The following WDCP variants were observed in gnomAD, a reference collection of about 807,000 sequenced individuals.
WDCP encodes WD repeat and coiled-coil-containing protein.
A neutral mutation model predicts 41.6 loss-of-function variants in WDCP; 19 were observed. The observed-to-expected ratio is 0.46, with a 90% CI of 0.32 to 0.67. WDCP has a LOEUF of 0.67. Ranked by LOEUF, WDCP falls within the 30% of genes least tolerant of loss-of-function variation. The pLI, the probability that WDCP is intolerant of heterozygous loss-of-function variation, is 0.04. For synonymous variants in WDCP, 302 were observed against 320.8 expected (o/e 0.94, Z 0.63); for missense variants, 802 against 850.7 (o/e 0.94, Z 0.71).
Position 24,030,644 on chromosome 2 carries a change from T to C in WDCP, c.*289A>G, listed in dbSNP as rs1018218154. 5 of 314,404 alleles carry C rather than the reference T, an allele frequency of 1.6e-5. No homozygotes were observed. The highest frequency in any genetic ancestry group is 2.3e-5 in the Non-Finnish European group (4 of 170,396). The allele number at this position is 314,404 out of a possible 1,614,324, so 19.5% of individuals were successfully genotyped here. A position where few individuals can be genotyped will look rare whatever the true frequency, so the allele number is the denominator to read the frequency against. Reference sequence around the variant, plus strand: ...GCCTCAGAGAAACCATAAAACACCATCCATATGGCACCATAATATTGTTTT... The same window carrying C: ...GCCTCAGAGAAACCATAAAACACCACCCATATGGCACCATAATATTGTTTT... On this transcript the variant is annotated 3_prime_UTR_variant, in exon 4 of 4. Coordinates refer to ENST00000295148, the MANE Select transcript of WDCP (RefSeq NM_025203.3).
intron 3 of WDCP, among the ~76,000 whole-genome samples, chr2:24,032,580 C>G (rs1179876812): frequency 1.3e-5 from 2 of 152,042 alleles, no homozygotes; most frequent in African/African-American, 4.8e-5. Flanking sequence ...AGTTGGGAGT[C>G]TGAGATGGGA....
intron 2 of WDCP, among the ~76,000 whole-genome samples, chr2:24,033,740 CTAAATAAA>C (rs1027303122): frequency 9.9e-5 from 15 of 151,906 alleles, no homozygotes; most frequent in African/African-American, 3.4e-4. Context: ...GACTCCATCT[CTAAATAAA>C]TAAATAAATG....
chr2:24,033,162 C>T (rs999200420), intron 2 of WDCP: 3 of 632,180 alleles, frequency 4.7e-6, no homozygotes, highest in Non-Finnish European at 6.0e-6. Flanking sequence ...CTACTCTTTC[C>T]TCAGGGTTCT....
At chr2:24,036,622 T>C (rs2150949658) in intron 2 of WDCP, among the ~76,000 whole-genome samples, 1 of 152,372 alleles carries the variant, frequency 6.6e-6, no homozygotes, top group East Asian at 1.9e-4. Context: ...TATGAATGGA[T>C]ACATATAAGA....
At position 24,038,295 on chromosome 2, in the gene WDCP, T is replaced by G; in HGVS notation, c.1200A>C (p.Leu400=). Residue 400 remains leucine, a synonymous_variant, in exon 2 of 4, where the codon CTA becomes CTC. Transcript: ENST00000295148. ...TGAGTTTTTGTTTTCCTACCAAAAT[T>G]AGTAATAGTTGGTCTGTCAAGAAAC... ...GICFLTDQLL[L]ILVGKQKLTD... is the part of the protein sequence containing the mutation. 1 of 1,614,200 alleles carries G rather than the reference T, an allele frequency of 6.2e-7. No homozygotes were observed. The highest frequency in any genetic ancestry group is 8.5e-7 in the Non-Finnish European group (1 of 1,180,034).
intron 2 of WDCP, among the ~76,000 whole-genome samples, chr2:24,036,797 T>C (rs1663270030): frequency 6.6e-6 from 1 of 152,190 alleles, no homozygotes; most frequent in Admixed American, 6.5e-5. Context: ...CACATACCTA[T>C]ATATCTATGT....
At chr2:24,043,638 A>C (rs992715789) in intron 1 of WDCP, among the ~76,000 whole-genome samples, 3 of 152,226 alleles carry the variant, frequency 2.0e-5, no homozygotes, top group African/African-American at 7.2e-5. Context: ...TATACTTAAA[A>C]TGAATTCCAT....
chr2:24,039,370 T>C lies in WDCP; in HGVS notation c.125A>G (p.His42Arg). Reference sequence around the variant, plus strand: ...GTCCCCAAACTTGACCTCTCCACTGTGAAGCCGCAAATCAGTTAGGACAAC... The same window carrying C: ...GTCCCCAAACTTGACCTCTCCACTGCGAAGCCGCAAATCAGTTAGGACAAC... ...NQVVLTDLRL[H>R]SGEVKFGDSK... The change falls in exon 2 of 4, where the codon CAC becomes CGC. Residue 42 changes from histidine (H) to arginine (R), a missense_variant. By Grantham distance (29) the His-to-Arg change is conservative. Around this residue, in one of 5 missense-constraint regions of WDCP, gnomAD observed 214 missense variants for 252.9 expected, o/e 0.85. Transcript: ENST00000295148. 3 of 1,614,264 alleles carry C rather than the reference T, an allele frequency of 1.9e-6. No individual in the cohort carries two copies. The highest frequency in any genetic ancestry group is 2.2e-5 in the South Asian group (2 of 91,092).
Position 24,037,927 on chromosome 2 carries a change from G to C in WDCP, c.1568C>G (p.Ser523Trp), listed in dbSNP as rs1265903778. ...LDAEPVTQPA[S>W]LPRHSSTPDH... ...TGGTGTGCTGCTGTGTCTGGGCAGCGATGCTGGCTGGGTAACAGGCTCAGC... is the reference window on the plus strand; with the variant it reads ...TGGTGTGCTGCTGTGTCTGGGCAGCCATGCTGGCTGGGTAACAGGCTCAGC... The change falls in exon 2 of 4, where the codon TCG (serine) becomes TGG (tryptophan). Residue 523 changes from serine (S) to tryptophan (W), a missense_variant. This residue lies in a region of WDCP where 321 missense variants were observed against 305.1 expected (regional missense o/e 1.05). Coordinates refer to ENST00000295148, the MANE Select transcript of WDCP (RefSeq NM_025203.3). The C allele has an allele frequency of 6.2e-7, 1 of 1,614,020 alleles. No individual in the cohort carries two copies. The highest frequency in any genetic ancestry group is 1.3e-5 in the African/African-American group (1 of 74,926).
chr2:24,046,449 G>A (rs1315362305), intron 1 of WDCP, among the ~76,000 whole-genome samples: 2 of 152,186 alleles, frequency 1.3e-5, no homozygotes, highest in Non-Finnish European at 2.9e-5. Context: ...AACCCTGGGT[G>A]TTTTAGGAGG....
At chr2:24,032,029 A>G (rs1368694818) in intron 3 of WDCP, among the ~76,000 whole-genome samples, 3 of 152,084 alleles carry the variant, frequency 2.0e-5, no homozygotes, top group East Asian at 1.9e-4. Flanking sequence ...CATATTTTCC[A>G]TATGTTTTGG....
chr2:24,040,011 G>C (rs1035681651), intron 1 of WDCP, among the ~76,000 whole-genome samples: 47 of 151,940 alleles, frequency 3.1e-4, no homozygotes, highest in Non-Finnish European at 6.5e-4. Context: ...ATGTTGGCCA[G>C]GCTGGTCTCA....
chr2:24,039,447 C>A lies in WDCP; in HGVS notation c.48G>T (p.Leu16Phe). The A allele has an allele frequency of 6.2e-7, 1 of 1,614,244 alleles. No individual in the cohort carries two copies. The highest frequency in any genetic ancestry group is 8.5e-7 in the Non-Finnish European group (1 of 1,180,036). Residue 16 changes from leucine (L) to phenylalanine (F), a missense_variant, in exon 2 of 4, where the codon TTG becomes TTT. Coordinates refer to ENST00000295148, the MANE Select transcript of WDCP (RefSeq NM_025203.3). ...GKLLRTGLNA[L>F]HQAVHPIHGL... ...CATGGATCGGATGCACTGCTTGATG[C>A]AACGCATTCAGTCCAGTCCTGAGTA...
rs369905331 is a variant in WDCP, at chr2:24,039,296, G to A, written c.199C>T (p.Pro67Ser). Reference protein sequence around the residue: ...FECVCGLSWAPPVADDTPVLL... With the variant: ...FECVCGLSWASPVADDTPVLL... ...ACAGGTGTATCATCTGCAACAGGTG[G>A]GGCCCAGGACAACCCACAGACACAT... The change falls in exon 2 of 4, where the codon CCA becomes TCA. Residue 67 changes from proline (P) to serine (S), a missense_variant. Physicochemically the swap from Pro to Ser is moderately conservative, Grantham distance 74 (BLOSUM62 -1). Transcript: ENST00000295148. 4.3e-6 allele frequency: 7 copies of A among 1,614,092 alleles called. No homozygotes were observed. The highest frequency in any genetic ancestry group is 1.3e-5 in the African/African-American group (1 of 74,924).
Position 24,038,502 on chromosome 2 carries a change from C to T in WDCP, c.993G>A (p.Thr331=), listed in dbSNP as rs776875471. ...GAATGCCTGGAATAGTGACTTTTCT[C>T]GTCATGGTAACTGCCTTCTTAAAGG... ...LVTFKKAVTM[T]RKVTIPGILV... Residue 331 remains threonine (T), a synonymous_variant, in exon 2 of 4, where the codon ACG becomes ACA. Transcript: ENST00000295148. 18 of 1,614,078 alleles carry T rather than the reference C, an allele frequency of 1.1e-5. No homozygotes were observed. The highest frequency in any genetic ancestry group is 2.7e-5 in the African/African-American group (2 of 74,930).
At chr2:24,037,608 G>T (rs749964768) in intron 2 of WDCP, 69 bp downstream of exon 2, 1 of 1,442,854 alleles carries the variant, frequency 6.9e-7, no homozygotes, top group South Asian at 1.4e-5. Context: ...TCATCAATAC[G>T]TTTCTTGCAG....
intron 1 of WDCP, among the ~76,000 whole-genome samples, chr2:24,044,479 C>G (rs1381162343): frequency 6.6e-6 from 1 of 152,050 alleles, no homozygotes. Flanking sequence ...GTTGGCCAGG[C>G]TGGTCTTGAA....
chr2:24,036,209 A>C (rs1358797229), intron 2 of WDCP, among the ~76,000 whole-genome samples: 1 of 152,022 alleles, frequency 6.6e-6, no homozygotes, highest in African/African-American at 2.4e-5. Flanking sequence ...CCTCTTTAAA[A>C]AAATGTAGGG....
intron 1 of WDCP, among the ~76,000 whole-genome samples, chr2:24,043,511 CAAAAA>C (rs751980928): frequency 5.9e-5 from 9 of 151,940 alleles, no homozygotes. Flanking sequence ...CAAAACAAAA[CAAAAA>C]ACCCCCCAAC....
Sources: allele counts gnomAD v4.1 joint callset (sites outside exome capture counted in the v4.1 genomes callset), GRCh38; gene constraint gnomAD v4.1.1; regional missense constraint gnomAD v4.1.1; transcripts MANE v1.5; gene names NCBI Gene and HGNC (gene_info 2026-07-23, HGNC 2026-07-21).